The following TENM3 variants were observed in gnomAD, a reference collection of about 807,000 sequenced individuals.
TENM3 encodes teneurin-3.
Under a neutral mutation model 255.1 loss-of-function variants are expected in TENM3, and 63 were observed. The observed-to-expected ratio is 0.25, with a 90% CI of 0.20 to 0.30. The LOEUF is 0.30. Ranked by LOEUF, TENM3 falls within the 10% of genes least tolerant of loss-of-function variation. TENM3 has a pLI of 1.00. For synonymous variants in TENM3, 1,306 were observed against 1,322.3 expected (o/e 0.99, Z 0.27); for missense variants, 2,929 against 3,461.1 (o/e 0.85, Z 3.86).
chr4:181,842,191 G>A, the TENM3 span, among the ~76,000 whole-genome samples: 14 of 152,096 alleles, frequency 9.2e-5, no homozygotes, highest in African/African-American at 2.4e-4. Context: ...TAGATAAGAC[G>A]CTTTGTAGGA....
At chr4:182,585,325 T>C (rs917091329) in intron 3 of TENM3, among the ~76,000 whole-genome samples, 3 of 152,100 alleles carry the variant, frequency 2.0e-5, no homozygotes, top group Non-Finnish European at 2.9e-5. Flanking sequence ...GGAAACCAGA[T>C]GTTATGGGCT....
the TENM3 span, among the ~76,000 whole-genome samples, chr4:182,092,300 A>C: frequency 5.9e-5 from 9 of 152,010 alleles, no homozygotes; most frequent in Non-Finnish European, 4.4e-5. Context: ...GCGCCACTAC[A>C]CTCTAGCCTG....
chr4:182,737,007 C>A lies in TENM3; in HGVS notation c.3167C>A (p.Ala1056Asp). 6.2e-7 allele frequency: 1 copy of A among 1,613,750 alleles called. No homozygotes were observed. The highest frequency in any genetic ancestry group is 1.1e-5 in the South Asian group (1 of 91,068). ...TGGTTTCCTGCCTCACCAAACTTGGCCTATACTTTCATATGGGATAAAACA... is the reference window on the plus strand; with the variant it reads ...TGGTTTCCTGCCTCACCAAACTTGGACTATACTTTCATATGGGATAAAACA... ...QKWFPASPNLAYTFIWDKTDA... is the reference protein window; with the variant it reads ...QKWFPASPNLDYTFIWDKTDA... The change falls in exon 17 of 28, where the codon GCC becomes GAC. Residue 1056 changes from alanine (A) to aspartate (D), a missense_variant. Physicochemically the swap from Ala to Asp is moderately radical, Grantham distance 126. Coordinates refer to ENST00000511685, the MANE Select transcript of TENM3 (RefSeq NM_001080477.4).
intron 1 of TENM3, among the ~76,000 whole-genome samples, chr4:182,307,339 C>T (rs1762193361): frequency 6.6e-6 from 1 of 152,136 alleles, no homozygotes; most frequent in South Asian, 2.1e-4. Flanking sequence ...TAATTGGCCC[C>T]CTACTGGTAG....
chr4:182,356,236 G>A (rs140132865), intron 3 of TENM3, among the ~76,000 whole-genome samples: 76 of 152,258 alleles, frequency 5.0e-4, no homozygotes, highest in African/African-American at 1.4e-3. Context: ...AGCAATACCC[G>A]TGTCTGTAGT....
intron 1 of TENM3, among the ~76,000 whole-genome samples, chr4:182,289,642 T>G (rs747311244): frequency 6.6e-6 from 1 of 152,194 alleles, no homozygotes; most frequent in African/African-American, 2.4e-5. Flanking sequence ...TATAAGCCAA[T>G]GAGATCAATT....
the TENM3 span, among the ~76,000 whole-genome samples, chr4:182,125,139 T>C: frequency 2.4e-4 from 7 of 29,296 alleles, no homozygotes; most frequent in Non-Finnish European, 5.5e-4. Flanking sequence ...CCTGCTGGGA[T>C]GGTGAATCTT....
chr4:181,563,117 G>A, the TENM3 span, among the ~76,000 whole-genome samples: 9 of 152,192 alleles, frequency 5.9e-5, 1 homozygote, highest in South Asian at 2.1e-4. Context: ...TACCACACAC[G>A]GGGAGGGTGG....
intron 1 of TENM3, chr4:182,169,337 A>G (rs771332323): frequency 8.4e-6 from 4 of 475,854 alleles, no homozygotes; most frequent in South Asian, 6.2e-5. Context: ...TTTATTGTAA[A>G]GATACTTTTC....
intron 22 of TENM3, among the ~76,000 whole-genome samples, chr4:182,769,509 C>T (rs1267751593): frequency 2.6e-5 from 4 of 152,020 alleles, no homozygotes; most frequent in African/African-American, 4.8e-5. Flanking sequence ...CTAGGCCGGG[C>T]GTGGTGGCTC....
At chr4:181,910,611 A>AT in the TENM3 span, among the ~76,000 whole-genome samples, 1 of 137,612 alleles carries the variant, frequency 7.3e-6, no homozygotes. Flanking sequence ...TATATATATA[A>AT]ATACACGTGT....
intron 1 of TENM3, among the ~76,000 whole-genome samples, chr4:182,311,981 T>G (rs1352439956): frequency 6.6e-6 from 1 of 152,246 alleles, no homozygotes; most frequent in Admixed American, 6.5e-5. Flanking sequence ...TACACAAGTC[T>G]TACCGTTTGG....
intron 4 of TENM3, among the ~76,000 whole-genome samples, chr4:182,603,765 T>TTATATATATATATATA (rs760690038): frequency 1.0e-5 from 1 of 95,504 alleles, no homozygotes; most frequent in African/African-American, 2.9e-5. Flanking sequence ...TGGCAATTAT[T>TTATATATATATATATA]TATATATATA....
chr4:182,641,532 GT>G (rs33982626), intron 5 of TENM3, among the ~76,000 whole-genome samples: 7,607 of 142,096 alleles, frequency 0.054, 226 homozygotes, highest in East Asian at 0.19. Context: ...TTTTTTTGTT[GT>G]TTTTTTTTTT....
chr4:181,684,707 C>T, the TENM3 span, among the ~76,000 whole-genome samples: 1 of 152,164 alleles, frequency 6.6e-6, no homozygotes, highest in South Asian at 2.1e-4. Flanking sequence ...ATACCCTTTC[C>T]TCTTTGGGAA....
At chr4:181,781,157 A>G in the TENM3 span, among the ~76,000 whole-genome samples, 1 of 152,192 alleles carries the variant, frequency 6.6e-6, no homozygotes, top group Non-Finnish European at 1.5e-5. Flanking sequence ...AATTCCGTAA[A>G]GAAAGTCATT....
chr4:182,622,578 C>T (rs1039333564), intron 4 of TENM3, among the ~76,000 whole-genome samples: 4 of 152,190 alleles, frequency 2.6e-5, no homozygotes, highest in Middle Eastern at 3.2e-3. Context: ...TCCTATCTCC[C>T]GTGGAGAAAC....
intron 5 of TENM3, among the ~76,000 whole-genome samples, chr4:182,650,803 T>G (rs1029464795): frequency 7.3e-6 from 1 of 136,348 alleles, no homozygotes; most frequent in Non-Finnish European, 1.7e-5. Context: ...ATTAAAGAGA[T>G]AATATTTCTG....
the TENM3 span, among the ~76,000 whole-genome samples, chr4:181,451,476 A>C: frequency 1.3e-5 from 2 of 152,146 alleles, no homozygotes; most frequent in African/African-American, 4.8e-5. Context: ...AAATCATCAC[A>C]CTGGTTGATG....
Sources: allele counts gnomAD v4.1 joint callset (sites outside exome capture counted in the v4.1 genomes callset), GRCh38; gene constraint gnomAD v4.1.1; transcripts MANE v1.5; gene names NCBI Gene and HGNC (gene_info 2026-07-23, HGNC 2026-07-21).